RARB: variants seen among roughly 807,000 people sequenced by gnomAD.
RARB encodes HBV-activated protein.
Under a neutral mutation model 51.9 loss-of-function variants are expected in RARB, and 17 were observed. The ratio of observed to expected loss-of-function variants is 0.33; its 90% CI spans 0.22 to 0.49. The LOEUF is 0.49. Ranked by LOEUF, RARB falls within the 20% of genes least tolerant of loss-of-function variation. RARB has a pLI of 0.99. For synonymous variants in RARB, 215 were observed against 195.4 expected, an observed-to-expected ratio of 1.10 and a Z score of -0.84; for missense variants, 369 against 550.8, an observed-to-expected ratio of 0.67 and a Z score of 3.30.
intron 5 of RARB, among the ~76,000 whole-genome samples, chr3:25,310,762 T>G (rs1039967688): frequency 6.6e-6 from 1 of 152,200 alleles, no homozygotes; most frequent in Non-Finnish European, 1.5e-5. Flanking sequence ...TGCCAGTGGT[T>G]GTTCAACAGC....
chr3:25,348,063 C>A (rs1165759977), intron 5 of RARB, among the ~76,000 whole-genome samples: 3 of 152,086 alleles, frequency 2.0e-5, no homozygotes, highest in Non-Finnish European at 4.4e-5. Flanking sequence ...TGTGGCCAAC[C>A]TATATCTTCC....
intron 5 of RARB, among the ~76,000 whole-genome samples, chr3:25,261,272 A>G (rs1702990525): frequency 6.6e-6 from 1 of 151,976 alleles, no homozygotes; most frequent in African/African-American, 2.4e-5. Context: ...CTCTTTCTGG[A>G]CCCTGCTACA....
chr3:25,326,319 C>T (rs973373150), intron 5 of RARB, among the ~76,000 whole-genome samples: 1 of 152,152 alleles, frequency 6.6e-6, no homozygotes, highest in East Asian at 1.9e-4. Flanking sequence ...TGAGGGCTTG[C>T]TGCATCTCAC....
chr3:25,372,698 T>C (rs1304872345), intron 5 of RARB, among the ~76,000 whole-genome samples: 1 of 152,110 alleles, frequency 6.6e-6, no homozygotes, highest in African/African-American at 2.4e-5. Flanking sequence ...TGGTGGCGCA[T>C]GCCTGTAGTT....
At chr3:24,969,774 G>A (rs745788761) in intron 2 of RARB, among the ~76,000 whole-genome samples, 6 of 152,102 alleles carry the variant, frequency 3.9e-5, no homozygotes, top group African/African-American at 7.2e-5. Context: ...TTGGATAATA[G>A]GAGATGTGGA....
In RARB at chr3:25,593,496, C is replaced by T. The variant is rs1229259931; in HGVS notation, c.787-7C>T. 7.5e-6 allele frequency: 12 copies of T among 1,600,954 alleles called. No individual in the cohort carries two copies. Among genetic ancestry groups the T allele is most frequent in the Admixed American group, 5.3e-5 (3 of 56,702 alleles). On this transcript the variant is annotated splice_polypyrimidine_tract_variant and splice_region_variant and intron_variant, in intron 5 of 7. Coordinates refer to ENST00000330688, the MANE Select transcript of RARB (RefSeq NM_000965.5). The stretch of plus-strand genomic sequence containing the variant: ...TAGAACATCCATCAATTTTTTTTTC[C>T]TTCCAGATTCTTAGAATTTGCACCA...
chr3:25,203,422 C>T (rs1404413669), intron 5 of RARB, among the ~76,000 whole-genome samples: 3 of 152,042 alleles, frequency 2.0e-5, no homozygotes, highest in Non-Finnish European at 2.9e-5. Context: ...GAGCATTTAG[C>T]CCATTTACAT....
At chr3:25,510,191 A>G (rs928125869) in intron 3 of RARB, among the ~76,000 whole-genome samples, 2 of 152,232 alleles carry the variant, frequency 1.3e-5, no homozygotes, top group Non-Finnish European at 2.9e-5. Context: ...CACAGCTGGT[A>G]TACACCCATG....
chr3:25,457,351 CAAAT>C, intron 1 of RARB, among the ~76,000 whole-genome samples: 1 of 152,298 alleles, frequency 6.6e-6, no homozygotes, highest in Middle Eastern at 3.4e-3. Context: ...CTCAGCCAAA[CAAAT>C]GATTGAACAC....
At chr3:25,348,171 T>TA (rs1705451807) in intron 5 of RARB, among the ~76,000 whole-genome samples, 1 of 152,190 alleles carries the variant, frequency 6.6e-6, no homozygotes, top group African/African-American at 2.4e-5. Flanking sequence ...ATCTTGGCCT[T>TA]ACATTTTTGA....
At chr3:25,174,422 C>G (rs1376081554) in exon 5 of RARB, 1 of 1,352,164 alleles carries the variant, frequency 7.4e-7, no homozygotes, top group South Asian at 1.1e-5. Context: ...CCACGCATGT[C>G]CGGTCCCAGC....
In RARB at chr3:25,418,656, T is replaced by A. The variant is rs965411440; in HGVS notation, c.179-42537T>A. 2.0e-5 allele frequency among the ~76,000 whole-genome samples: 3 copies of A among 151,842 alleles called. No individual in the cohort carries two copies. In the South Asian group the frequency reaches 6.2e-4, roughly 31 times the overall value. On this transcript the variant is annotated intron_variant, in intron 5 of 11. Transcript: ENST00000383772. ...TGTTAAAGGTGGTAAGGGGGGACCA[T>A]GACAACAGCTATAGGAGAAGAGAGA...
chr3:25,309,021 T>A (rs1704219923), intron 5 of RARB, among the ~76,000 whole-genome samples: 1 of 152,176 alleles, frequency 6.6e-6, no homozygotes, highest in South Asian at 2.1e-4. Flanking sequence ...ATTCAGACTC[T>A]GCATGAAATC....
chr3:25,072,156 C>T (rs1001876883), intron 3 of RARB, among the ~76,000 whole-genome samples: 1 of 152,176 alleles, frequency 6.6e-6, no homozygotes, highest in African/African-American at 2.4e-5. Flanking sequence ...CTGCCTCAGT[C>T]CTCTCATTGC....
rs200405878 is a variant in RARB, at chr3:25,566,134, C to T, written c.449-3624C>T. ...GGCTTCTTGTGCACTGTGTCACCTC[C>T]ATGATTCTGGTGGTTCTTGGCAGCC... On this transcript the variant is annotated intron_variant, in intron 3 of 7. Transcript: ENST00000330688. 3.9e-5 allele frequency among the ~76,000 whole-genome samples: 6 copies of T among 152,330 alleles called. No individual in the cohort carries two copies. The East Asian group carries it at 9.6e-4, about 24-fold the overall frequency.
intron 1 of RARB, among the ~76,000 whole-genome samples, chr3:25,435,380 C>T (rs923810237): frequency 6.6e-6 from 1 of 152,160 alleles, no homozygotes; most frequent in African/African-American, 2.4e-5. Context: ...CAAATGAAGA[C>T]CTCATGTAAT....
At position 25,593,634 on chromosome 3, in the gene RARB, C is replaced by T. The variant is rs113995209; in HGVS notation, c.918C>T (p.Ala306=). 82 of 1,614,130 alleles carry T rather than the reference C, an allele frequency of 5.1e-5. 1 individual carries two copies. The East Asian group carries it at 1.8e-3, about 35-fold the overall frequency. Residue 306 remains alanine, a synonymous_variant, in exon 6 of 8, where the codon GCC becomes GCT. Transcript: ENST00000330688. Reference sequence around the variant, plus strand: ...TGACTGACCTTGTGTTCACCTTTGCCAACCAGCTCCTGCCTTTGGAAATGG... The same window carrying T: ...TGACTGACCTTGTGTTCACCTTTGCTAACCAGCTCCTGCCTTTGGAAATGG... ...GPLTDLVFTF[A]NQLLPLEMDD...
chr3:25,044,418 G>A (rs1698173693), intron 2 of RARB, among the ~76,000 whole-genome samples: 1 of 152,084 alleles, frequency 6.6e-6, no homozygotes, highest in African/African-American at 2.4e-5. Context: ...TCATTAATAT[G>A]TGTTAAATTG....
At chr3:25,475,064 A>G (rs1695882009) in intron 2 of RARB, among the ~76,000 whole-genome samples, 1 of 152,182 alleles carries the variant, frequency 6.6e-6, no homozygotes, top group Non-Finnish European at 1.5e-5. Flanking sequence ...TTTAAACCCA[A>G]ATTCATAATG....
Sources: gnomAD v4.1 joint callset for allele counts (sites outside exome capture counted in the v4.1 genomes callset) on GRCh38, gnomAD v4.1.1 for gene constraint, MANE v1.5 for transcripts, NCBI Gene and HGNC (gene_info 2026-07-23, HGNC 2026-07-21) for gene names.